PDZD2: variants seen among roughly 807,000 people sequenced by gnomAD.
PDZD2 encodes the protein PDZ domain containing 2, also known as PDZ domain-containing protein 2.
In PDZD2, 90 loss-of-function variants were observed where a neutral mutation model predicts 220.7. That is an observed-to-expected ratio of 0.41 (90% CI 0.34 to 0.49). The LOEUF (loss-of-function observed/expected upper bound fraction) is 0.49, where lower values mean the gene tolerates loss of function less well. PDZD2 is among the 20% of genes least tolerant of loss of function. The probability of loss-of-function intolerance (pLI) is 0.28; values close to 1 mark genes in which losing one functional copy is unlikely to be tolerated. For synonymous variants in PDZD2, 1,375 were observed against 1,450.5 expected (o/e 0.95, Z 1.18); for missense variants, 3,174 against 3,608.5 (o/e 0.88, Z 3.08).
In PDZD2 at chr5:31,813,092, T is replaced by C. The variant is rs146267987; in HGVS notation, c.476+13368T>C. ...TTAAAGAAAAACCTCATCCTAAGCA[T>C]AGATTGTGCCTTACGGTAATACTTG... On this transcript the variant is annotated intron_variant, in intron 2 of 24. Transcript: ENST00000438447. 2.0e-4 allele frequency among the ~76,000 whole-genome samples: 31 copies of C among 152,316 alleles called. 1 individual carries two copies. The highest frequency in any genetic ancestry group is 1.2e-3 in the South Asian group (6 of 4,820).
chr5:31,710,560 G>T (rs1025923202), intron 1 of PDZD2, among the ~76,000 whole-genome samples: 2 of 152,132 alleles, frequency 1.3e-5, no homozygotes, highest in African/African-American at 4.8e-5. Context: ...GCTCATGCCT[G>T]TAATCTCAGC....
intron 2 of PDZD2, among the ~76,000 whole-genome samples, chr5:31,901,682 A>G (rs920202918): frequency 1.3e-5 from 2 of 152,230 alleles, no homozygotes; most frequent in Non-Finnish European, 2.9e-5. Context: ...AAATTCAAGC[A>G]GATCTGTAGA....
chr5:32,057,774 T>C, intron 11 of PDZD2, 46 bp downstream of exon 11: 2 of 1,453,984 alleles, frequency 1.4e-6, no homozygotes, highest in East Asian at 4.5e-5. Flanking sequence ...TTCCTTTCTT[T>C]ATTTCCTTCT....
chr5:32,059,197 G>A (rs779406711), intron 12 of PDZD2, 42 bp from the exon 13 acceptor site: 3 of 1,049,628 alleles, frequency 2.9e-6, no homozygotes, highest in Admixed American at 3.6e-5. Flanking sequence ...TAGTGATTGT[G>A]TAATTTTTGT....
At chr5:32,023,031 G>C (rs1449704262) in intron 6 of PDZD2, among the ~76,000 whole-genome samples, 1 of 152,172 alleles carries the variant, frequency 6.6e-6, no homozygotes, top group Non-Finnish European at 1.5e-5. Flanking sequence ...AGGATGGAGA[G>C]GCGGGAAGCC....
chr5:31,855,018 C>A, intron 2 of PDZD2: 1 of 985,434 alleles, frequency 1.0e-6, no homozygotes, highest in Non-Finnish European at 1.2e-6. Flanking sequence ...CCCCAGGCCC[C>A]CGGGCCGCCT....
intron 3 of PDZD2, among the ~76,000 whole-genome samples, chr5:31,994,326 T>TA (rs1751468302): frequency 1.3e-5 from 2 of 151,552 alleles, no homozygotes. Flanking sequence ...GTTTTTTTTT[T>TA]AAAGATTTTT....
At chr5:31,936,096 C>T in intron 2 of PDZD2, 1 of 987,692 alleles carries the variant, frequency 1.0e-6, no homozygotes, top group Non-Finnish European at 1.2e-6. Flanking sequence ...GGGTGGGGCT[C>T]TGGAGCTCAG....
At chr5:31,993,553 C>G (rs986813475) in intron 3 of PDZD2, among the ~76,000 whole-genome samples, 2 of 152,228 alleles carry the variant, frequency 1.3e-5, no homozygotes, top group African/African-American at 4.8e-5. Flanking sequence ...CACATTCTTT[C>G]TCCTTTGCAA....
At chr5:31,941,857 T>C (rs1180308800) in intron 2 of PDZD2, among the ~76,000 whole-genome samples, 1 of 152,254 alleles carries the variant, frequency 6.6e-6, no homozygotes, top group Non-Finnish European at 1.5e-5. Context: ...GTCTTCGCTA[T>C]AGTCTCTGGT....
At chr5:31,731,359 A>C (rs1283160492) in intron 1 of PDZD2, among the ~76,000 whole-genome samples, 4 of 152,160 alleles carry the variant, frequency 2.6e-5, no homozygotes, top group Non-Finnish European at 5.9e-5. Context: ...AACCATTTTA[A>C]AGTGTACAAT....
At position 31,932,552 on chromosome 5, in the gene PDZD2, A is replaced by AAAAG. The variant is rs139660975; in HGVS notation, c.477-50575_477-50572dup. On this transcript the variant is annotated intron_variant, in intron 2 of 24. Coordinates refer to ENST00000438447, the MANE Select transcript of PDZD2 (RefSeq NM_178140.4). ...CGACAGAGCAAGACTCTGCCTCAAAAAAAGAAAGAAAGAAAGAAAGAAAGA... is the reference window on the plus strand; with the variant it reads ...CGACAGAGCAAGACTCTGCCTCAAAAAAAGAAAGAAAGAAAGAAAGAAAGAAAGA... 8.2e-4 allele frequency among the ~76,000 whole-genome samples: 124 copies of AAAAG among 151,292 alleles called. 1 individual carries two copies. Among genetic ancestry groups the AAAAG allele is most frequent in the East Asian group, 4.1e-3 (21 of 5,082 alleles).
chr5:31,969,889 GTTTA>G (rs113519811), intron 2 of PDZD2, among the ~76,000 whole-genome samples: 7 of 151,816 alleles, frequency 4.6e-5, no homozygotes, highest in African/African-American at 1.5e-4. Context: ...AGACTAAATA[GTTTA>G]TTTATTTATT....
At chr5:31,701,408 G>T (rs907661080) in intron 1 of PDZD2, among the ~76,000 whole-genome samples, 2 of 152,048 alleles carry the variant, frequency 1.3e-5, no homozygotes, top group African/African-American at 4.8e-5. Flanking sequence ...GCCCGCGCTG[G>T]TCTTGAACTC....
Position 32,090,780 on chromosome 5 carries a change from A to T in PDZD2, c.7332A>T (p.Lys2444Asn). 6.2e-7 allele frequency: 1 copy of T among 1,614,128 alleles called. No individual in the cohort carries two copies. The highest frequency in any genetic ancestry group is 8.5e-7 in the Non-Finnish European group (1 of 1,180,032). ...AGGGCTCTGATTCGGAACTAAAGAA[A>T]TCACTTGGTCCTTTGGGAATTCCCA... ...SSKGSDSELK[K>N]SLGPLGIPTP... The change falls in exon 20 of 25, where the codon AAA becomes AAT. Residue 2444 changes from lysine to asparagine, a missense_variant. This residue lies in a region of PDZD2 where 631 missense variants were observed against 789.9 expected (regional missense o/e 0.80). Transcript: ENST00000438447. The surrounding 1 kb of genome is among the most constrained non-coding windows in gnomAD (Gnocchi z 4.3).
At chr5:31,876,582 G>A (rs1468206238) in intron 2 of PDZD2, among the ~76,000 whole-genome samples, 6 of 152,090 alleles carry the variant, frequency 3.9e-5, no homozygotes, top group South Asian at 2.1e-4. Flanking sequence ...GCGAGCCACC[G>A]TACCTGGCCT....
At chr5:31,956,581 TATAA>T (rs1747719696) in intron 2 of PDZD2, among the ~76,000 whole-genome samples, 1 of 141,018 alleles carries the variant, frequency 7.1e-6, no homozygotes, top group South Asian at 2.2e-4. Flanking sequence ...AATAAATAAA[TATAA>T]ATAAATAAAA....
In PDZD2 at chr5:31,725,530, C is replaced by T. The variant is rs1749073138; in HGVS notation, c.-360-73359C>T. On this transcript the variant is annotated intron_variant, in intron 1 of 24. Coordinates refer to ENST00000438447, the MANE Select transcript of PDZD2 (RefSeq NM_178140.4). ...TAAAAATGATCATGGTTTATACTAC[C>T]AGGGGCCACTGGACTTAGGACTAGT... 1.7e-5 allele frequency: 23 copies of T among 1,358,906 alleles called. 1 individual carries two copies. In the South Asian group the frequency reaches 2.7e-4, roughly 16 times the overall value. 84.2% of individuals were successfully genotyped at this position (1,358,906 alleles called of 1,614,324 possible). A position where few individuals can be genotyped will look rare whatever the true frequency, so the allele number is the denominator to read the frequency against.
chr5:31,653,505 C>G (rs1280254179), intron 1 of PDZD2, among the ~76,000 whole-genome samples: 1 of 152,088 alleles, frequency 6.6e-6, no homozygotes, highest in East Asian at 1.9e-4. Flanking sequence ...AACATATAAT[C>G]TAATGTGAGA....
Sources: gnomAD v4.1 joint callset for allele counts (sites outside exome capture counted in the v4.1 genomes callset) on GRCh38, gnomAD v4.1.1 for gene constraint, gnomAD v4.1.1 regional missense constraint, Gnocchi (gnomAD v3.1) non-coding constraint, MANE v1.5 for transcripts, NCBI Gene and HGNC (gene_info 2026-07-23, HGNC 2026-07-21) for gene names.